The following UBXN4 variants were observed in gnomAD, a reference collection of about 807,000 sequenced individuals.
The protein encoded by UBXN4 is UBX domain protein 4.
In UBXN4, 35 loss-of-function variants were observed where a neutral mutation model predicts 66.2. That is an observed-to-expected ratio of 0.53 (90% CI 0.40 to 0.70). The LOEUF is 0.70. Ranked by LOEUF, UBXN4 falls within the 30% of genes least tolerant of loss-of-function variation. The pLI is 0.00. For missense variants in UBXN4, 533 were observed against 599.8 expected (o/e 0.89, Z 1.16); for synonymous variants, 203 against 204.5 (o/e 0.99, Z 0.06).
At chr2:135,759,548 T>G (rs2105498513) in intron 5 of UBXN4, among the ~76,000 whole-genome samples, 1 of 152,290 alleles carries the variant, frequency 6.6e-6, no homozygotes, top group Admixed American at 6.5e-5. Flanking sequence ...TTTATTCCTC[T>G]AAATTGGTAA....
intron 6 of UBXN4, among the ~76,000 whole-genome samples, chr2:135,764,556 G>A (rs1021372877): frequency 6.6e-6 from 1 of 152,208 alleles, no homozygotes; most frequent in Non-Finnish European, 1.5e-5. Context: ...AGGCTGGAGT[G>A]CAGTGGCATG....
At chr2:135,750,393 C>A (rs545990692) in intron 2 of UBXN4, among the ~76,000 whole-genome samples, 35 of 152,218 alleles carry the variant, frequency 2.3e-4, no homozygotes. Context: ...TCAGAAATTT[C>A]TACTCGGGAG....
intron 6 of UBXN4, among the ~76,000 whole-genome samples, chr2:135,764,747 C>T (rs2077337058): frequency 6.6e-6 from 1 of 152,222 alleles, no homozygotes; most frequent in South Asian, 2.1e-4. Context: ...TTCAGGTCAT[C>T]TGCTCACCTT....
intron 10 of UBXN4, among the ~76,000 whole-genome samples, chr2:135,778,179 AAAAAAAAAAC>A (rs1162368465): frequency 1.3e-5 from 2 of 150,552 alleles, no homozygotes; most frequent in Non-Finnish European, 3.0e-5. Flanking sequence ...TGTCTCAAAA[AAAAAAAAAAC>A]AAAAAAAAAC....
intron 8 of UBXN4, among the ~76,000 whole-genome samples, chr2:135,772,205 C>T (rs1020342852): frequency 2.9e-4 from 44 of 151,974 alleles, no homozygotes; most frequent in Non-Finnish European, 5.9e-4. Context: ...ACCTGTAGTC[C>T]CAGCTACTCT....
In UBXN4 at chr2:135,765,187, T is replaced by G. The variant is rs368147146; in HGVS notation, c.602+3276T>G. Among the ~76,000 whole-genome samples, 136 of 152,162 alleles carry G rather than the reference T, an allele frequency of 8.9e-4. 2 individuals are homozygous for G. In the South Asian group the frequency reaches 0.026, roughly 29 times the overall value. Reference sequence around the variant, plus strand: ...TTAGCGAATCTTTAGTTAAAATGCATTATTTTGTTTATTTCATTATGTTTT... The same window carrying G: ...TTAGCGAATCTTTAGTTAAAATGCAGTATTTTGTTTATTTCATTATGTTTT... On this transcript the variant is annotated intron_variant, in intron 6 of 12. Coordinates refer to ENST00000272638, the MANE Select transcript of UBXN4 (RefSeq NM_014607.4).
intron 2 of UBXN4, among the ~76,000 whole-genome samples, chr2:135,750,536 A>T (rs1223198907): frequency 1.3e-5 from 2 of 152,132 alleles, no homozygotes; most frequent in Non-Finnish European, 2.9e-5. Flanking sequence ...TAAAAAAATA[A>T]ATTCAGAAAT....
rs544805846 is a variant in UBXN4, at chr2:135,773,837, G to T, written c.950+1290G>T. ...AGTAATAAATTTAACAAAAATGTAAGATTTGTGTGCTAAAAATGACAAAAC... is the reference window on the plus strand; with the variant it reads ...AGTAATAAATTTAACAAAAATGTAATATTTGTGTGCTAAAAATGACAAAAC... On this transcript the variant is annotated intron_variant, in intron 9 of 12. Coordinates refer to ENST00000272638, the MANE Select transcript of UBXN4 (RefSeq NM_014607.4). 3.7e-4 allele frequency among the ~76,000 whole-genome samples: 56 copies of T among 152,160 alleles called. 1 individual carries two copies. Among genetic ancestry groups the T allele is most frequent in the Admixed American group, 9.8e-4 (15 of 15,268 alleles).
intron 3 of UBXN4, chr2:135,753,906 C>A: frequency 2.2e-6 from 1 of 460,464 alleles, no homozygotes; most frequent in Non-Finnish European, 3.8e-6. Context: ...CAGCTGGCAG[C>A]AAGATGGATA....
intron 1 of UBXN4, among the ~76,000 whole-genome samples, chr2:135,745,690 G>C (rs79520506): frequency 6.6e-6 from 1 of 151,958 alleles, no homozygotes; most frequent in Non-Finnish European, 1.5e-5. Context: ...TTTTTCTTTG[G>C]TAGGTGAGTC....
chr2:135,753,639 T>C, intron 3 of UBXN4, 72 bp downstream of exon 3: 1 of 1,243,318 alleles, frequency 8.0e-7, no homozygotes, highest in Non-Finnish European at 1.1e-6. Context: ...TTATGAAATT[T>C]AGAAATTATT....
intron 2 of UBXN4, among the ~76,000 whole-genome samples, chr2:135,749,543 C>T (rs1277031755): frequency 6.6e-6 from 1 of 152,138 alleles, no homozygotes; most frequent in African/African-American, 2.4e-5. Flanking sequence ...ATACCTCCAC[C>T]CATTTCCACT....
chr2:135,772,377 AT>A (rs1426657376), intron 8 of UBXN4, 42 bp from the exon 9 acceptor site: 1 of 1,597,840 alleles, frequency 6.3e-7, no homozygotes, highest in Non-Finnish European at 8.5e-7. Context: ...TGAATTAACC[AT>A]TCTGGCAGTA....
chr2:135,751,564 G>C (rs2077242175), intron 2 of UBXN4, among the ~76,000 whole-genome samples: 1 of 149,922 alleles, frequency 6.7e-6, no homozygotes, highest in Admixed American at 6.7e-5. Flanking sequence ...ACTGTAGACT[G>C]CATGCTGATA....
intron 5 of UBXN4, among the ~76,000 whole-genome samples, chr2:135,759,118 C>T (rs1370704717): frequency 3.9e-5 from 6 of 152,142 alleles, no homozygotes; most frequent in South Asian, 2.1e-4. Flanking sequence ...AACAGAATAA[C>T]GAACTCGAGG....
chr2:135,778,333 A>T (rs1020112434), intron 10 of UBXN4, among the ~76,000 whole-genome samples: 3 of 151,850 alleles, frequency 2.0e-5, no homozygotes, highest in Non-Finnish European at 4.4e-5. Flanking sequence ...CCTTCTTTGG[A>T]ATCTTCTAGG....
At chr2:135,770,761 G>A (rs995607644) in intron 8 of UBXN4, 26 bp downstream of exon 8, 23 of 1,456,298 alleles carry the variant, frequency 1.6e-5, no homozygotes, top group African/African-American at 1.0e-4. Context: ...CCAGACATTC[G>A]TGAAACTGTT....
chr2:135,777,279 A>T (rs2077422029), intron 10 of UBXN4, among the ~76,000 whole-genome samples: 1 of 152,092 alleles, frequency 6.6e-6, no homozygotes, highest in Non-Finnish European at 1.5e-5. Flanking sequence ...TAGGCTCATT[A>T]TATGTATCAG....
intron 2 of UBXN4, among the ~76,000 whole-genome samples, chr2:135,750,203 G>T (rs1208733190): frequency 6.6e-6 from 1 of 152,090 alleles, no homozygotes; most frequent in African/African-American, 2.4e-5. Context: ...TAAAATATTG[G>T]ACTGAAGAGA....
Sources: allele counts gnomAD v4.1 joint callset (sites outside exome capture counted in the v4.1 genomes callset), GRCh38; gene constraint gnomAD v4.1.1; transcripts MANE v1.5; gene names NCBI Gene and HGNC (gene_info 2026-07-23, HGNC 2026-07-21).